Variants in FAM78B observed in about 807,000 individuals in gnomAD.
FAM78B encodes the protein family with sequence similarity 78 member B.
FAM78B carries 10 observed loss-of-function variants against 20.0 expected under a neutral mutation model. The observed-to-expected ratio is 0.50, with a 90% CI of 0.31 to 0.85. FAM78B has a LOEUF of 0.85. FAM78B is among the 40% of genes least tolerant of loss of function. The pLI, the probability that FAM78B is intolerant of heterozygous loss-of-function variation, is 0.05. For synonymous variants in FAM78B, 135 were observed against 132.8 expected, an observed-to-expected ratio of 1.02 and a Z score of -0.12; for missense variants, 283 against 345.0, an observed-to-expected ratio of 0.82 and a Z score of 1.42.
intron 1 of FAM78B, among the ~76,000 whole-genome samples, chr1:166,115,740 G>A (rs1190958015): frequency 1.3e-5 from 2 of 152,206 alleles, no homozygotes; most frequent in Non-Finnish European, 2.9e-5. Flanking sequence ...GGCTTCCAGA[G>A]GAGATGACAC....
At chr1:166,145,152 G>C (rs933746812) in intron 1 of FAM78B, among the ~76,000 whole-genome samples, 1 of 152,154 alleles carries the variant, frequency 6.6e-6, no homozygotes, top group Non-Finnish European at 1.5e-5. Context: ...TTGGCCCTGG[G>C]ACAAAAAAGC....
intron 1 of FAM78B, among the ~76,000 whole-genome samples, chr1:166,142,049 C>A (rs529527795): frequency 1.3e-5 from 2 of 152,264 alleles, no homozygotes; most frequent in South Asian, 4.2e-4. Flanking sequence ...AGCACAGCTC[C>A]TCAATGATCA....
chr1:166,148,360 C>T (rs1469355512), intron 1 of FAM78B, among the ~76,000 whole-genome samples: 1 of 152,204 alleles, frequency 6.6e-6, no homozygotes, highest in African/African-American at 2.4e-5. Context: ...TCAGGTGAAG[C>T]ATCTATATAA....
At chr1:166,096,578 C>T (rs1653282845) in intron 1 of FAM78B, among the ~76,000 whole-genome samples, 3 of 152,162 alleles carry the variant, frequency 2.0e-5, no homozygotes, top group Admixed American at 1.3e-4. Context: ...TGACCTAGGG[C>T]GAGTCACTTG....
intron 1 of FAM78B, among the ~76,000 whole-genome samples, chr1:166,160,320 C>T (rs898376304): frequency 5.3e-5 from 8 of 152,162 alleles, no homozygotes; most frequent in African/African-American, 1.4e-4. Context: ...TCCACAAGTC[C>T]GGGATTAATG....
intron 1 of FAM78B, among the ~76,000 whole-genome samples, chr1:166,157,831 C>T (rs1655969122): frequency 6.6e-6 from 1 of 152,188 alleles, no homozygotes. Context: ...CTAAAAGCTA[C>T]AGCCCAGACC....
chr1:166,118,997 G>C (rs1258671275), intron 1 of FAM78B, among the ~76,000 whole-genome samples: 1 of 152,072 alleles, frequency 6.6e-6, no homozygotes, highest in Non-Finnish European at 1.5e-5. Context: ...CTGTCTGCTG[G>C]CCACAGGACA....
At chr1:166,080,085 G>A (rs1480004949) in intron 1 of FAM78B, among the ~76,000 whole-genome samples, 2 of 152,156 alleles carry the variant, frequency 1.3e-5, no homozygotes, top group African/African-American at 4.8e-5. Flanking sequence ...CTTTCCGCTA[G>A]TGAGGGGCAG....
intron 1 of FAM78B, among the ~76,000 whole-genome samples, chr1:166,163,053 A>C (rs1291965247): frequency 6.6e-6 from 1 of 152,230 alleles, no homozygotes; most frequent in Non-Finnish European, 1.5e-5. Flanking sequence ...AATGAGAAGC[A>C]GTGAAAACTG....
chr1:166,097,751 C>T (rs185123339), intron 1 of FAM78B, among the ~76,000 whole-genome samples: 107 of 152,232 alleles, frequency 7.0e-4, no homozygotes, highest in African/African-American at 2.4e-3. Flanking sequence ...AGTCTGAACT[C>T]AGACATGCCC....
At chr1:166,081,087 T>A (rs773644672) in intron 1 of FAM78B, 1 of 152,176 alleles carries the variant, frequency 6.6e-6, no homozygotes, top group Non-Finnish European at 1.5e-5. Context: ...TACTCCCCCC[T>A]CCCACTTTCC....
chr1:166,161,877 T>C (rs796450711), intron 1 of FAM78B, among the ~76,000 whole-genome samples: 7 of 152,300 alleles, frequency 4.6e-5, no homozygotes, highest in African/African-American at 1.7e-4. Flanking sequence ...CATTGTGTCA[T>C]GTCATCATTG....
chr1:166,124,363 AATG>A (rs1279027230), intron 1 of FAM78B, among the ~76,000 whole-genome samples: 2 of 152,172 alleles, frequency 1.3e-5, no homozygotes, highest in African/African-American at 4.8e-5. Flanking sequence ...AACACTAAAC[AATG>A]ATGATAACAA....
At chr1:166,094,087 C>A (rs1410248534) in intron 1 of FAM78B, among the ~76,000 whole-genome samples, 2 of 148,974 alleles carry the variant, frequency 1.3e-5, no homozygotes, top group Non-Finnish European at 3.0e-5. Context: ...AGTGGTGCAG[C>A]AGGGGAAGGA....
chr1:166,150,186 C>G (rs1571206388), intron 1 of FAM78B, among the ~76,000 whole-genome samples: 1 of 70,436 alleles, frequency 1.4e-5, no homozygotes, highest in South Asian at 8.8e-4. Flanking sequence ...GGTGGTTGTG[C>G]CTAGTGCACA....
chr1:166,112,179 A>G (rs369595000), intron 1 of FAM78B, among the ~76,000 whole-genome samples: 1 of 152,216 alleles, frequency 6.6e-6, no homozygotes, highest in Admixed American at 6.5e-5. Flanking sequence ...AAACAGATTT[A>G]CCAGGGATTA....
At chr1:166,165,834 C>G in intron 1 of FAM78B, 152 bp downstream of exon 1, 1 of 853,696 alleles carries the variant, frequency 1.2e-6, no homozygotes, top group Non-Finnish European at 1.8e-6. Flanking sequence ...GAAACAAAAG[C>G]GTAGGGAGGA....
At chr1:166,135,799 C>T (rs1655044578) in intron 1 of FAM78B, among the ~76,000 whole-genome samples, 1 of 152,176 alleles carries the variant, frequency 6.6e-6, no homozygotes, top group Non-Finnish European at 1.5e-5. Context: ...TTGTCAACTA[C>T]GGAAGGGAGG....
intron 1 of FAM78B, among the ~76,000 whole-genome samples, chr1:166,083,642 C>T (rs112520862): frequency 1.1e-3 from 161 of 152,270 alleles, no homozygotes; most frequent in African/African-American, 3.6e-3. Flanking sequence ...GTAGCTAGGA[C>T]TACACGTGCG....
Sources: allele counts gnomAD v4.1 joint callset (sites outside exome capture counted in the v4.1 genomes callset), GRCh38; gene constraint gnomAD v4.1.1; transcripts MANE v1.5; gene names NCBI Gene and HGNC (gene_info 2026-07-23, HGNC 2026-07-21).